The following ACADSB variants were observed in gnomAD, a reference collection of about 807,000 sequenced individuals.
ACADSB encodes short/branched chain specific acyl-CoA dehydrogenase, mitochondrial.
In ACADSB, 40 loss-of-function variants were observed where a neutral mutation model predicts 54.1. That is an observed-to-expected ratio of 0.74 (90% CI 0.57 to 0.96). The LOEUF is 0.96. ACADSB is among the 40% of genes least tolerant of loss of function. ACADSB has a pLI of 0.00. For synonymous variants in ACADSB, 182 were observed against 182.8 expected, an observed-to-expected ratio of 1.00 and a Z score of 0.03; for missense variants, 530 against 510.4, an observed-to-expected ratio of 1.04 and a Z score of -0.37.
At chr10:123,039,199 G>T (rs1222197413) in intron 3 of ACADSB, among the ~76,000 whole-genome samples, 1 of 152,122 alleles carries the variant, frequency 6.6e-6, no homozygotes, top group Non-Finnish European at 1.5e-5. Flanking sequence ...TGAGGTTTCC[G>T]GAGTGCCCTC....
chr10:123,034,567 G>A (rs777527417), intron 2 of ACADSB, 52 bp downstream of exon 2: 7 of 1,571,690 alleles, frequency 4.5e-6, no homozygotes, highest in Non-Finnish European at 6.1e-6. Context: ...GATCTCTGGA[G>A]CATAGTGGTG....
intron 5 of ACADSB, among the ~76,000 whole-genome samples, chr10:123,042,246 G>A (rs993921841): frequency 1.3e-4 from 20 of 151,988 alleles, no homozygotes; most frequent in African/African-American, 3.9e-4. Flanking sequence ...GATTATAGGC[G>A]TGAACCACTG....
Position 123,009,063 on chromosome 10 carries a change from A to G in ACADSB, c.34A>G (p.Ser12Gly). The G allele has an allele frequency of 1.3e-6, 2 of 1,547,502 alleles. No homozygotes were observed. The highest frequency in any genetic ancestry group is 1.7e-4 in the Middle Eastern group (1 of 5,842). ...EGLAVRLLRG[S>G]RLLRRNFLTC... Reference sequence around the variant, plus strand: ...CCTGGCAGTGCGGTTGCTGCGCGGCAGCAGGCTGGTGAGTGCGTTCGAGGC... The same window carrying G: ...CCTGGCAGTGCGGTTGCTGCGCGGCGGCAGGCTGGTGAGTGCGTTCGAGGC... Residue 12 changes from serine (S) to glycine (G), a missense_variant, in exon 1 of 11, where the codon AGC becomes GGC. Physicochemically the swap from Ser to Gly is moderately conservative, Grantham distance 56. Transcript: ENST00000358776.
chr10:123,053,791 TG>T lies in ACADSB; in HGVS notation c.*28del. On this transcript the variant is annotated 3_prime_UTR_variant, in exon 11 of 11. Transcript: ENST00000358776. ...CGTCTATAGGAGTGGGACCCCTCCC[TG>T]GTGTCACTGCTGTAAAATTTTAAAC... 2 of 1,589,956 alleles carry T rather than the reference TG, an allele frequency of 1.3e-6. No individual in the cohort carries two copies. The highest frequency in any genetic ancestry group is 1.7e-6 in the Non-Finnish European group (2 of 1,157,986).
intron 8 of ACADSB, among the ~76,000 whole-genome samples, chr10:123,048,938 G>C (rs982441769): frequency 3.9e-5 from 6 of 152,076 alleles, no homozygotes; most frequent in African/African-American, 9.7e-5. Flanking sequence ...CCGTGGTCTT[G>C]ATCTCCTGAC....
chr10:123,035,339 A>G lies in ACADSB; in HGVS notation c.202+824A>G, dbSNP rs116351643. Reference sequence around the variant, plus strand: ...ACCTGTGGTTGAAACACGGAGCCCAAATGAAGCAGAAGTTGTATACCACTA... The same window carrying G: ...ACCTGTGGTTGAAACACGGAGCCCAGATGAAGCAGAAGTTGTATACCACTA... On this transcript the variant is annotated intron_variant, in intron 2 of 10. Transcript: ENST00000358776. Among the ~76,000 whole-genome samples the G allele has an allele frequency of 4.9e-3, 742 of 152,256 alleles. 3 individuals are homozygous for G. Among genetic ancestry groups the G allele is most frequent in the African/African-American group, 0.017 (707 of 41,546 alleles).
chr10:123,047,595 C>T (rs146701571), intron 8 of ACADSB, among the ~76,000 whole-genome samples: 1 of 152,222 alleles, frequency 6.6e-6, no homozygotes, highest in Non-Finnish European at 1.5e-5. Flanking sequence ...AGTCAGACTT[C>T]CTGGATTCAA....
intron 2 of ACADSB, among the ~76,000 whole-genome samples, chr10:123,035,824 ACT>A: frequency 6.6e-6 from 1 of 151,464 alleles, no homozygotes; most frequent in East Asian, 2.0e-4. Context: ...AAAACCAGTA[ACT>A]CTCCCTCCCA....
chr10:123,044,589 G>GGC (rs1850525709), intron 7 of ACADSB, 104 bp downstream of exon 7: 5 of 892,648 alleles, frequency 5.6e-6, no homozygotes, highest in Non-Finnish European at 7.3e-6. Flanking sequence ...GACACAAGAT[G>GGC]GCACCGTTCC....
intron 1 of ACADSB, 118 bp downstream of exon 1, chr10:123,009,189 C>A: frequency 8.6e-7 from 1 of 1,158,144 alleles, no homozygotes; most frequent in Non-Finnish European, 1.2e-6. Flanking sequence ...GCTCCACGTC[C>A]TGGGTCCCCA....
At chr10:123,018,506 G>T (rs1850137768) in intron 1 of ACADSB, among the ~76,000 whole-genome samples, 1 of 152,150 alleles carries the variant, frequency 6.6e-6, no homozygotes, top group African/African-American at 2.4e-5. Flanking sequence ...AGAATACCTA[G>T]AACAGAAGCT....
rs539441427 is a variant in ACADSB at position 123,052,365 on chromosome 10, A to G, written c.1129-696A>G. On this transcript the variant is annotated intron_variant, in intron 9 of 10. Coordinates refer to ENST00000358776, the MANE Select transcript of ACADSB (RefSeq NM_001609.4). The surrounding 1 kb of genome is among the most constrained non-coding windows in gnomAD (Gnocchi z 4.2). Reference sequence around the variant, plus strand: ...GCCCCTTCCTCCATCTTCAAAGCCAACAATGTGGCATGTTCAGATCTCTCT... The same window carrying G: ...GCCCCTTCCTCCATCTTCAAAGCCAGCAATGTGGCATGTTCAGATCTCTCT... Among the ~76,000 whole-genome samples the G allele has an allele frequency of 2.0e-5, 3 of 152,226 alleles. No homozygotes were observed. Among genetic ancestry groups the G allele is most frequent in the South Asian group, 4.2e-4 (2 of 4,814 alleles).
At chr10:123,053,015 A>G in intron 9 of ACADSB, 46 bp from the exon 10 acceptor site, 1 of 1,454,710 alleles carries the variant, frequency 6.9e-7, no homozygotes, top group Non-Finnish European at 9.7e-7. Flanking sequence ...TTTATCATGT[A>G]TAAGTTATGT....
At position 123,034,508 on chromosome 10, in the gene ACADSB, G is replaced by C; in HGVS notation, c.195G>C (p.Lys65Asn). 6.2e-7 allele frequency: 1 copy of C among 1,607,978 alleles called. No homozygotes were observed. Among genetic ancestry groups the C allele is most frequent in the Non-Finnish European group, 8.5e-7 (1 of 1,179,828 alleles). The change falls in exon 2 of 11, where the codon AAG becomes AAC. Residue 65 changes from lysine to asparagine, a missense_variant. Transcript: ENST00000358776. ...QTFTDEEMMI[K>N]SSVKKFAQEQ... ...TTACAGATGAGGAAATGATGATAAA[G>C]AGTTCAGGTAAGTAAATTTATCAGT...
chr10:123,033,827 A>G lies in ACADSB; in HGVS notation c.43-529A>G, dbSNP rs1307090601. The stretch of plus-strand genomic sequence containing the variant: ...TTCAGAGGTTATTTTCTTAATTTTT[A>G]TGCTGCCTGTAAGATGCTGAAAAAA... On this transcript the variant is annotated intron_variant, in intron 1 of 10. Coordinates refer to ENST00000358776, the MANE Select transcript of ACADSB (RefSeq NM_001609.4). 2.6e-5 allele frequency among the ~76,000 whole-genome samples: 4 copies of G among 152,124 alleles called. No homozygotes were observed. The East Asian group carries it at 7.7e-4, about 29-fold the overall frequency.
Position 123,056,301 on chromosome 10 carries a change from GA to G in ACADSB, c.*2540del. On this transcript the variant is annotated 3_prime_UTR_variant, in exon 11 of 11. Transcript: ENST00000358776. ...AGGCCTCAGAATCATGGCGGGAGGT[GA>G]AAAGCACTTCGTACATGGTGGTGGC... 4.3e-6 allele frequency: 1 copy of G among 232,768 alleles called. No homozygotes were observed. Among genetic ancestry groups the G allele is most frequent in the Non-Finnish European group, 8.3e-6 (1 of 120,708 alleles). The allele number at this position is 232,768 out of a possible 1,614,324, so 14.4% of individuals were successfully genotyped here. A position where few individuals can be genotyped will look rare whatever the true frequency, so the allele number is the denominator to read the frequency against.
At chr10:123,010,873 C>A (rs568912158) in intron 1 of ACADSB, among the ~76,000 whole-genome samples, 4 of 152,140 alleles carry the variant, frequency 2.6e-5, no homozygotes, top group Non-Finnish European at 5.9e-5. Flanking sequence ...AGGTGTGGAA[C>A]AAATCCTAAG....
At chr10:123,044,529 T>C (rs1341473851) in intron 7 of ACADSB, 44 bp downstream of exon 7, 1 of 1,499,178 alleles carries the variant, frequency 6.7e-7, no homozygotes, top group African/African-American at 1.4e-5. Flanking sequence ...TCAATTAAAC[T>C]GTGAAAAGAA....
At chr10:123,037,411 A>G (rs1028910354) in intron 2 of ACADSB, among the ~76,000 whole-genome samples, 7 of 152,256 alleles carry the variant, frequency 4.6e-5, no homozygotes, top group Admixed American at 4.6e-4. Flanking sequence ...TTTTCAAAGA[A>G]AAGTTTTCAG....
Sources: allele counts gnomAD v4.1 joint callset (sites outside exome capture counted in the v4.1 genomes callset), GRCh38; gene constraint gnomAD v4.1.1; non-coding constraint Gnocchi (gnomAD v3.1); transcripts MANE v1.5; gene names NCBI Gene and HGNC (gene_info 2026-07-23, HGNC 2026-07-21).